The following ZNF174 variants were observed in gnomAD, a reference collection of about 807,000 sequenced individuals.
ZNF174 encodes the protein zinc finger protein 174, also known as AW-1.
A neutral mutation model predicts 38.7 loss-of-function variants in ZNF174; 30 were observed. The observed-to-expected ratio is 0.78, with a 90% CI of 0.58 to 1.05. ZNF174 has a LOEUF of 1.05. Ranked by LOEUF, ZNF174 falls within the 50% of genes least tolerant of loss-of-function variation. The pLI is 0.00. For synonymous variants in ZNF174, 201 were observed against 181.7 expected (o/e 1.11, Z -0.86); for missense variants, 499 against 495.6 (o/e 1.01, Z -0.06).
intron 1 of ZNF174, among the ~76,000 whole-genome samples, chr16:3,403,803 G>A (rs2034007377): frequency 6.6e-6 from 1 of 152,152 alleles, no homozygotes; most frequent in African/African-American, 2.4e-5. Context: ...TATTGTCTTT[G>A]GATCAGGAAG....
In ZNF174 at chr16:3,408,388, A is replaced by G; in HGVS notation, c.693A>G (p.Pro231=). The G allele has an allele frequency of 6.2e-7, 1 of 1,614,244 alleles. No individual in the cohort carries two copies. Among genetic ancestry groups the G allele is most frequent in the South Asian group, 1.1e-5 (1 of 91,084 alleles). Residue 231 remains proline (P), a synonymous_variant, in exon 3 of 3, where the codon CCA becomes CCG. Coordinates refer to ENST00000268655, the MANE Select transcript of ZNF174 (RefSeq NM_003450.3). ...AGGAAGGGGCTAAAGGAGCAAAGCC[A>G]TGTGCAGTGTCAGCTGGCAGATCCA... The part of the protein sequence containing the change: ...PQQEGAKGAK[P]CAVSAGRSKG...
intron 2 of ZNF174, among the ~76,000 whole-genome samples, chr16:3,406,955 C>T (rs765418504): frequency 8.5e-5 from 13 of 152,140 alleles, no homozygotes; most frequent in Non-Finnish European, 1.5e-4. Flanking sequence ...ATAAACAAGT[C>T]AATTTTTATA....
At position 3,402,327 on chromosome 16, in the gene ZNF174, A is replaced by C; in HGVS notation, c.323A>C (p.His108Pro). Residue 108 changes from histidine (H) to proline (P), a missense_variant, in exon 1 of 3, where the codon CAT becomes CCT. By Grantham distance (77) the His-to-Pro change is moderately conservative. Transcript: ENST00000268655. ...LPPEIQARVR[H>P]RCPMSSKEIV... The stretch of plus-strand genomic sequence containing the variant: ...CCGGAGATCCAGGCTCGGGTCAGGC[A>C]TCGATGTCCAATGAGCAGCAAGGAG... 6.2e-7 allele frequency: 1 copy of C among 1,614,110 alleles called. No individual in the cohort carries two copies. Among genetic ancestry groups the C allele is most frequent in the Non-Finnish European group, 8.5e-7 (1 of 1,180,020 alleles).
intron 2 of ZNF174, among the ~76,000 whole-genome samples, chr16:3,408,054 C>T (rs1045745895): frequency 6.6e-6 from 1 of 152,114 alleles, no homozygotes; most frequent in African/African-American, 2.4e-5. Context: ...GGATGGAGAA[C>T]TTGGTTCCTA....
chr16:3,401,554 A>C lies in ZNF174; in HGVS notation c.-451A>C, dbSNP rs946909746. The C allele has an allele frequency of 1.7e-5, 3 of 177,416 alleles. No individual in the cohort carries two copies. The highest frequency in any genetic ancestry group is 7.2e-5 in the African/African-American group (3 of 41,524). 11.0% of individuals were successfully genotyped at this position (177,416 alleles called of 1,614,324 possible). A position where few individuals can be genotyped will look rare whatever the true frequency, so the allele number is the denominator to read the frequency against. On this transcript the variant is annotated 5_prime_UTR_variant, in exon 1 of 3. Transcript: ENST00000268655. ...GCCTCGCTTAGCTCTACCGTTTAGC[A>C]CCCGGCGACATGCACCCGGTCGGTT...
At position 3,401,404 on chromosome 16, in the gene ZNF174, T is replaced by A. The variant is rs990622991; in HGVS notation, c.-601T>A. Reference sequence around the variant, plus strand: ...GCGGCAGCTTCGCCAGGCCTGGGGCTGGCTGGGCCGCGGGGCCGCCCTGGA... The same window carrying A: ...GCGGCAGCTTCGCCAGGCCTGGGGCAGGCTGGGCCGCGGGGCCGCCCTGGA... On this transcript the variant is annotated 5_prime_UTR_variant, in exon 1 of 3. Transcript: ENST00000268655. 1 of 152,538 alleles carries A rather than the reference T, an allele frequency of 6.6e-6. No homozygotes were observed. Among genetic ancestry groups the A allele is most frequent in the Non-Finnish European group, 1.5e-5 (1 of 68,272 alleles). 9.4% of individuals were successfully genotyped at this position (152,538 alleles called of 1,614,324 possible). A position where few individuals can be genotyped will look rare whatever the true frequency, so the allele number is the denominator to read the frequency against.
chr16:3,404,586 G>GC lies in ZNF174; in HGVS notation c.568dup (p.His190ProfsTer27). On this transcript the variant is annotated frameshift_variant, in exon 2 of 3. Transcript: ENST00000268655. LOFTEE classifies it high-confidence loss of function. ...CAGGCAGGAGCTTATGACCGGCTGA[G>GC]CCCCCATCATTGGGAGAAATCCCCA... is the stretch of plus-strand genomic sequence containing the variant. 1 of 1,614,180 alleles carries GC rather than the reference G, an allele frequency of 6.2e-7. No homozygotes were observed. The highest frequency in any genetic ancestry group is 8.5e-7 in the Non-Finnish European group (1 of 1,180,022).
intron 1 of ZNF174, 55 bp downstream of exon 1, chr16:3,402,461 T>TC (rs2033949237): frequency 1.3e-6 from 2 of 1,524,990 alleles, no homozygotes; most frequent in Non-Finnish European, 1.8e-6. Flanking sequence ...TTCTTTTTTT[T>TC]TTTTTTTCTT....
chr16:3,405,827 C>T (rs1381472786), intron 2 of ZNF174, among the ~76,000 whole-genome samples: 3 of 152,088 alleles, frequency 2.0e-5, no homozygotes, highest in Non-Finnish European at 4.4e-5. Flanking sequence ...GGCAACATGG[C>T]GAAATCCTGT....
chr16:3,407,610 C>T (rs1371059303), intron 2 of ZNF174, among the ~76,000 whole-genome samples: 5 of 152,192 alleles, frequency 3.3e-5, no homozygotes, highest in East Asian at 3.9e-4. Context: ...TATTGAACAA[C>T]GTGCATGTGC....
At chr16:3,408,264 T>C in intron 2 of ZNF174, 57 bp from the exon 3 acceptor site, 6 of 1,490,772 alleles carry the variant, frequency 4.0e-6, no homozygotes, top group Non-Finnish European at 5.4e-6. Flanking sequence ...TTCATAACTC[T>C]TGCTGAAGTT....
chr16:3,402,927 G>A (rs991676472), intron 1 of ZNF174, among the ~76,000 whole-genome samples: 1 of 152,092 alleles, frequency 6.6e-6, no homozygotes, highest in African/African-American at 2.4e-5. Flanking sequence ...TGAGGCAACA[G>A]AGGACCAAGG....
intron 1 of ZNF174, among the ~76,000 whole-genome samples, chr16:3,403,259 C>T (rs1310680497): frequency 7.1e-6 from 1 of 140,414 alleles, no homozygotes; most frequent in African/African-American, 2.6e-5. Flanking sequence ...AACCTCTGCA[C>T]CCCAGGTTCA....
chr16:3,404,867 C>T (rs763590181), intron 2 of ZNF174: 2 of 1,597,720 alleles, frequency 1.3e-6, no homozygotes, highest in Non-Finnish European at 1.7e-6. Flanking sequence ...TTTAAGAATC[C>T]AGTGCATGAC....
In ZNF174 at chr16:3,409,195, G is replaced by T; in HGVS notation, c.*276G>T. On this transcript the variant is annotated 3_prime_UTR_variant, in exon 3 of 3. Transcript: ENST00000268655. ...AGGAGTAACTACTGAGAGAGAATCA[G>T]GACAATCCTGCAGGTGGCCCGCTTA... The T allele has an allele frequency of 2.4e-6, 1 of 417,042 alleles. No homozygotes were observed. The highest frequency in any genetic ancestry group is 4.3e-6 in the Non-Finnish European group (1 of 232,968). 25.8% of individuals were successfully genotyped at this position (417,042 alleles called of 1,614,324 possible).
At chr16:3,407,151 C>T (rs1194831144) in intron 2 of ZNF174, among the ~76,000 whole-genome samples, 1 of 152,186 alleles carries the variant, frequency 6.6e-6, no homozygotes, top group Admixed American at 6.5e-5. Context: ...AGGGCCCATT[C>T]CTCATAAATG....
At position 3,401,912 on chromosome 16, in the gene ZNF174, T is replaced by C. The variant is rs2033915820; in HGVS notation, c.-93T>C. The C allele has an allele frequency of 1.4e-6, 2 of 1,481,042 alleles. No individual in the cohort carries two copies. The highest frequency in any genetic ancestry group is 2.2e-5 in the Admixed American group (1 of 45,482). 91.7% of individuals were successfully genotyped at this position (1,481,042 alleles called of 1,614,324 possible). A position where few individuals can be genotyped will look rare whatever the true frequency, so the allele number is the denominator to read the frequency against. The stretch of plus-strand genomic sequence containing the variant: ...AACATCCTCAGAGAACCTTCGTTTC[T>C]AGAATCTTTCTAGTATTCAGAGACT... On this transcript the variant is annotated 5_prime_UTR_variant, in exon 1 of 3. Coordinates refer to ENST00000268655, the MANE Select transcript of ZNF174 (RefSeq NM_003450.3).
chr16:3,407,325 G>A (rs2034069219), intron 2 of ZNF174, among the ~76,000 whole-genome samples: 1 of 152,080 alleles, frequency 6.6e-6, no homozygotes, highest in African/African-American at 2.4e-5. Context: ...TCAGGGGACA[G>A]GGGGGATAAA....
Position 3,402,348 on chromosome 16 carries a change from A to C in ZNF174, c.344A>C (p.Lys115Thr), listed in dbSNP as rs1278564964. Residue 115 changes from lysine (K) to threonine (T), a missense_variant, in exon 1 of 3, where the codon AAG (lysine) becomes ACG (threonine). Coordinates refer to ENST00000268655, the MANE Select transcript of ZNF174 (RefSeq NM_003450.3). ...RVRHRCPMSS[K>T]EIVTLVEDFH... ...AGGCATCGATGTCCAATGAGCAGCA[A>C]GGAGATTGTGACCCTCGTGGAAGAT... 3 of 1,614,010 alleles carry C rather than the reference A, an allele frequency of 1.9e-6. No individual in the cohort carries two copies. The highest frequency in any genetic ancestry group is 2.7e-5 in the African/African-American group (2 of 74,912).
Sources: allele counts gnomAD v4.1 joint callset (sites outside exome capture counted in the v4.1 genomes callset), GRCh38; gene constraint gnomAD v4.1.1; transcripts MANE v1.5; gene names NCBI Gene and HGNC (gene_info 2026-07-23, HGNC 2026-07-21).